The following MACROH2A2 variants were observed in gnomAD, a reference collection of about 807,000 sequenced individuals.
MACROH2A2 encodes the protein core histone macro-H2A.2.
In MACROH2A2, 6 loss-of-function variants were observed where a neutral mutation model predicts 37.6. The ratio of observed to expected loss-of-function variants is 0.16; its 90% CI spans 0.09 to 0.32. The LOEUF (loss-of-function observed/expected upper bound fraction) is 0.32. Among genes scored for constraint, MACROH2A2 ranks in the 10% least tolerant of loss-of-function variants. The pLI, the probability that MACROH2A2 is intolerant of heterozygous loss-of-function variation, is 1.00. For synonymous variants in MACROH2A2, 192 were observed against 202.7 expected, an observed-to-expected ratio of 0.95 and a Z score of 0.45; for missense variants, 290 against 485.9, an observed-to-expected ratio of 0.60 and a Z score of 3.79.
Position 70,111,617 on chromosome 10 carries a change from C to A in MACROH2A2, c.1053C>A (p.Phe351Leu). Residue 351 changes from phenylalanine (F) to leucine (L), a missense_variant, in exon 9 of 9, where the codon TTC becomes TTA. Phe to Leu is a conservative substitution (Grantham distance 22). Coordinates refer to ENST00000373255, the MANE Select transcript of MACROH2A2 (RefSeq NM_018649.3). ...CGTCCTCGCTGAAGAACGTGTACTTCCTGCTCTTCGACAGCGAGAGCATCG... is the reference window on the plus strand; with the variant it reads ...CGTCCTCGCTGAAGAACGTGTACTTACTGCTCTTCGACAGCGAGAGCATCG... ...SSASSLKNVY[F>L]LLFDSESIGI... 1 of 1,613,618 alleles carries A rather than the reference C, an allele frequency of 6.2e-7. No homozygotes were observed. The highest frequency in any genetic ancestry group is 8.5e-7 in the Non-Finnish European group (1 of 1,179,788).
intron 1 of MACROH2A2, among the ~76,000 whole-genome samples, chr10:70,059,981 A>T (rs2072041744): frequency 6.6e-6 from 1 of 152,188 alleles, no homozygotes; most frequent in Admixed American, 6.5e-5. Context: ...ACACGTGCAT[A>T]ACCAGGGAGC....
At chr10:70,095,848 C>T (rs563925219) in intron 6 of MACROH2A2, 95 bp downstream of exon 6, 107 of 670,394 alleles carry the variant, frequency 1.6e-4, no homozygotes, top group African/African-American at 1.4e-3. Flanking sequence ...GCTGTCCCTC[C>T]GCTGGGGTCC....
chr10:70,100,340 C>T (rs942521899), intron 7 of MACROH2A2, 43 bp downstream of exon 7: 2 of 1,100,932 alleles, frequency 1.8e-6, no homozygotes, highest in Non-Finnish European at 2.8e-6. Flanking sequence ...TGGCCTCACC[C>T]TCCTCTCTGG....
At chr10:70,059,847 G>A (rs1224322493) in intron 1 of MACROH2A2, among the ~76,000 whole-genome samples, 1 of 152,122 alleles carries the variant, frequency 6.6e-6, no homozygotes, top group Admixed American at 6.5e-5. Context: ...AGAGGGGATG[G>A]TGTGGTGTGG....
intron 2 of MACROH2A2, among the ~76,000 whole-genome samples, chr10:70,082,434 A>G (rs1259548898): frequency 1.3e-5 from 2 of 152,072 alleles, no homozygotes; most frequent in African/African-American, 4.8e-5. Flanking sequence ...AAAAAAAGAA[A>G]AAAGAAAAGA....
At chr10:70,079,565 GCACACACACACACACACACA>G (rs56247035) in intron 2 of MACROH2A2, among the ~76,000 whole-genome samples, 2 of 126,216 alleles carry the variant, frequency 1.6e-5, no homozygotes, top group African/African-American at 3.2e-5. Flanking sequence ...GCGCGCGCGC[GCACACACACACACACACACA>G]CACACACACA....
chr10:70,075,857 C>T lies in MACROH2A2; in HGVS notation c.172+27C>T. On this transcript the variant is annotated intron_variant, in intron 2 of 8. Coordinates refer to ENST00000373255, the MANE Select transcript of MACROH2A2 (RefSeq NM_018649.3). The surrounding 1 kb of genome is among the most constrained non-coding windows in gnomAD (Gnocchi z 5.0). The stretch of plus-strand genomic sequence containing the variant: ...TAATGAGGACACGCAAAGGAGGCTG[C>T]CTGCTCCCAGGTCCCCACCCTCCCC... The T allele has an allele frequency of 6.3e-7, 1 of 1,597,096 alleles. No homozygotes were observed. Among genetic ancestry groups the T allele is most frequent in the South Asian group, 1.1e-5 (1 of 89,528 alleles).
In MACROH2A2 at chr10:70,089,746, A is replaced by C. The variant is rs2072232414; in HGVS notation, c.173-314A>C. Among the ~76,000 whole-genome samples the C allele has an allele frequency of 2.0e-5, 3 of 151,834 alleles. No homozygotes were observed. The South Asian group carries it at 6.2e-4, about 32-fold the overall frequency. ...ACCTGACTTATTTTTTCTTTTTTTAAATTTTTTAATTTTTTTAAATTTTTT... is the reference window on the plus strand; with the variant it reads ...ACCTGACTTATTTTTTCTTTTTTTACATTTTTTAATTTTTTTAAATTTTTT... On this transcript the variant is annotated intron_variant, in intron 2 of 8. Transcript: ENST00000373255.
chr10:70,108,198 ACT>A (rs1365634411), intron 7 of MACROH2A2, among the ~76,000 whole-genome samples: 6 of 151,676 alleles, frequency 4.0e-5, no homozygotes, highest in Non-Finnish European at 8.8e-5. Context: ...ACAGAAAAAG[ACT>A]CTGTCTCAAA....
At chr10:70,064,504 T>C (rs2072067961) in intron 1 of MACROH2A2, among the ~76,000 whole-genome samples, 2 of 152,250 alleles carry the variant, frequency 1.3e-5, no homozygotes, top group Admixed American at 1.3e-4. Context: ...CCATGCCTGC[T>C]GATGTGGTTT....
At position 70,111,997 on chromosome 10, in the gene MACROH2A2, T is replaced by G. The variant is rs182310598; in HGVS notation, c.*314T>G. 35 of 191,182 alleles carry G rather than the reference T, an allele frequency of 1.8e-4. No homozygotes were observed. The highest frequency in any genetic ancestry group is 3.3e-4 in the Non-Finnish European group (31 of 94,176). 11.8% of individuals were successfully genotyped at this position (191,182 alleles called of 1,614,324 possible). A position where few individuals can be genotyped will look rare whatever the true frequency, so the allele number is the denominator to read the frequency against. On this transcript the variant is annotated 3_prime_UTR_variant, in exon 9 of 9. Coordinates refer to ENST00000373255, the MANE Select transcript of MACROH2A2 (RefSeq NM_018649.3). ...ACATTCACACAAGAAAAAAATCCTT[T>G]CAAAATTCTTAAATCTTCTGTTCCT...
chr10:70,066,884 G>A (rs564237624), intron 1 of MACROH2A2, among the ~76,000 whole-genome samples: 1 of 152,118 alleles, frequency 6.6e-6, no homozygotes, highest in African/African-American at 2.4e-5. Context: ...ATGCAATCAA[G>A]TGCCCTTTCC....
At chr10:70,076,037 T>C (rs938465982) in intron 2 of MACROH2A2, among the ~76,000 whole-genome samples, 24 of 152,134 alleles carry the variant, frequency 1.6e-4, no homozygotes, top group Non-Finnish European at 2.1e-4. Flanking sequence ...GAAGGACAGG[T>C]GATCAGCATG....
In MACROH2A2 at chr10:70,095,681, C is replaced by T. The variant is rs771646317; in HGVS notation, c.616C>T (p.His206Tyr). 13 of 1,584,130 alleles carry T rather than the reference C, an allele frequency of 8.2e-6. No individual in the cohort carries two copies. Among genetic ancestry groups the T allele is most frequent in the Non-Finnish European group, 9.5e-6 (11 of 1,152,740 alleles). Reference protein sequence around the residue: ...KLSLTQSDISHIGSMRVEGIV... With the variant: ...KLSLTQSDISYIGSMRVEGIV... The stretch of plus-strand genomic sequence containing the variant: ...GTCCTTAACCCAGAGTGACATCAGC[C>T]ATATTGGCTCCATGAGAGTGGAGGG... Residue 206 changes from histidine to tyrosine, a missense_variant, in exon 6 of 9, where the codon CAT (histidine) becomes TAT (tyrosine). By Grantham distance (83) the His-to-Tyr change is moderately conservative. This residue lies in a region of MACROH2A2 where 130 missense variants were observed against 257.1 expected (regional missense o/e 0.51). Transcript: ENST00000373255.
intron 7 of MACROH2A2, among the ~76,000 whole-genome samples, chr10:70,103,368 C>A (rs1481893911): frequency 6.6e-6 from 1 of 152,112 alleles, no homozygotes; most frequent in Non-Finnish European, 1.5e-5. Flanking sequence ...CAACACACTT[C>A]TTTTTTAAAT....
intron 6 of MACROH2A2, 41 bp downstream of exon 6, chr10:70,095,794 C>A: frequency 3.2e-6 from 3 of 950,786 alleles, no homozygotes; most frequent in Non-Finnish European, 3.5e-6. Context: ...ATAGAATAGG[C>A]CACTGTTCAG....
intron 1 of MACROH2A2, among the ~76,000 whole-genome samples, chr10:70,068,056 ATGAGTGAGAAAC>A (rs1335992350): frequency 6.6e-6 from 1 of 152,118 alleles, no homozygotes; most frequent in Non-Finnish European, 1.5e-5. Context: ...AATGAGACCA[ATGAGTGAGAAAC>A]TGTTGCTCTT....
intron 2 of MACROH2A2, among the ~76,000 whole-genome samples, chr10:70,081,366 A>G (rs560362221): frequency 6.6e-6 from 1 of 152,188 alleles, no homozygotes; most frequent in East Asian, 1.9e-4. Flanking sequence ...GGAGGTTCAC[A>G]TCGGTGTGTT....
chr10:70,078,266 T>G (rs1346637187), intron 2 of MACROH2A2, among the ~76,000 whole-genome samples: 3 of 152,198 alleles, frequency 2.0e-5, no homozygotes, highest in Non-Finnish European at 4.4e-5. Context: ...GCAATAGAAT[T>G]GGGCCATTTA....
Sources: gnomAD v4.1 joint callset for allele counts (sites outside exome capture counted in the v4.1 genomes callset) on GRCh38, gnomAD v4.1.1 for gene constraint, gnomAD v4.1.1 regional missense constraint, Gnocchi (gnomAD v3.1) non-coding constraint, MANE v1.5 for transcripts, NCBI Gene and HGNC (gene_info 2026-07-23, HGNC 2026-07-21) for gene names.